The following MAD1L1 variants were observed in gnomAD, a reference collection of about 807,000 sequenced individuals.
The protein encoded by MAD1L1 is mitotic spindle assembly checkpoint protein MAD1.
In MAD1L1, 95 loss-of-function variants were observed where a neutral mutation model predicts 96.9. That is an observed-to-expected ratio of 0.98 (90% CI 0.83 to 1.16). The LOEUF (loss-of-function observed/expected upper bound fraction) is 1.16, where lower values mean the gene tolerates loss of function less well. Among genes scored for constraint, MAD1L1 ranks in the 50% most tolerant of loss-of-function variants. The pLI is 0.00. For synonymous variants in MAD1L1, 473 were observed against 396.6 expected (o/e 1.19, Z -2.29); for missense variants, 1,007 against 954.4 (o/e 1.06, Z -0.73).
chr7:1,975,817 C>T lies in MAD1L1; in HGVS notation c.1505+4636G>A, dbSNP rs373057831. ...CGTCTCCAGGGCCCCCAGCACCTCC[C>T]GGGACCCAGAAGACATCACACGGCC... On this transcript the variant is annotated intron_variant, in intron 15 of 18. Transcript: ENST00000265854. 2.0e-4 allele frequency among the ~76,000 whole-genome samples: 31 copies of T among 152,184 alleles called. 1 individual carries two copies. In the East Asian group the frequency reaches 4.3e-3, roughly 21 times the overall value.
At chr7:1,975,247 G>A (rs1780581558) in intron 15 of MAD1L1, among the ~76,000 whole-genome samples, 1 of 152,258 alleles carries the variant, frequency 6.6e-6, no homozygotes, top group Admixed American at 6.5e-5. Flanking sequence ...GATGGGCTGG[G>A]CAGTCCATCA....
At chr7:1,936,927 A>G in intron 16 of MAD1L1, 30 bp from the exon 17 acceptor site, 1 of 1,539,332 alleles carries the variant, frequency 6.5e-7, no homozygotes. Flanking sequence ...ACAGGTCACC[A>G]TGGCCCAGGC....
At chr7:2,143,658 C>G (rs552873302) in intron 11 of MAD1L1, among the ~76,000 whole-genome samples, 3 of 152,036 alleles carry the variant, frequency 2.0e-5, no homozygotes, top group Admixed American at 6.6e-5. Flanking sequence ...ATGAAACAGG[C>G]CAGGCCCAGG....
chr7:1,980,110 G>A (rs138149025), intron 15 of MAD1L1, among the ~76,000 whole-genome samples: 83 of 152,326 alleles, frequency 5.4e-4, no homozygotes, highest in Non-Finnish European at 8.5e-4. Context: ...ACGGCCTGGA[G>A]AGGGGGACAG....
At chr7:1,915,796 C>T (rs749159858) in intron 17 of MAD1L1, among the ~76,000 whole-genome samples, 21 of 152,206 alleles carry the variant, frequency 1.4e-4, no homozygotes, top group Non-Finnish European at 2.8e-4. Flanking sequence ...CCTCACGCCA[C>T]GAACAGAACC....
rs1273002359 is a variant in MAD1L1 at position 2,044,087 on chromosome 7, GAGCTGGC to G, written c.1218+25100_1218+25106del. Among the ~76,000 whole-genome samples, 6 of 152,230 alleles carry G rather than the reference GAGCTGGC, an allele frequency of 3.9e-5. No homozygotes were observed. The East Asian group carries it at 1.2e-3, about 29-fold the overall frequency. The stretch of plus-strand genomic sequence containing the variant: ...GCAGCATGGGAGGACGAGCTGCCTA[GAGCTGGC>G]GGCCACAATGCGCCGCAGGAAGGGG... On this transcript the variant is annotated intron_variant, in intron 12 of 18. Transcript: ENST00000265854.
intron 12 of MAD1L1, among the ~76,000 whole-genome samples, chr7:2,067,865 G>GAA (rs148649480): frequency 0.034 from 5,122 of 152,368 alleles, 185 homozygotes; most frequent in Admixed American, 0.094. Context: ...GAGGTGCGTG[G>GAA]CAGGTGCTGG....
At position 2,114,913 on chromosome 7, in the gene MAD1L1, G is replaced by C. The variant is rs1787584113; in HGVS notation, c.1073+34239C>G. ...GCTTTGCAAACACAAGGGCCTCGAA[G>C]CCCCGCCTTCCGGTGAGCACCGCTG... On this transcript the variant is annotated intron_variant, in intron 11 of 18. Coordinates refer to ENST00000265854, the MANE Select transcript of MAD1L1 (RefSeq NM_001013836.2). This position sits in a 1 kb window ranked among gnomAD's most constrained non-coding sequence, Gnocchi z 4.2. Among the ~76,000 whole-genome samples, 1 of 152,194 alleles carries C rather than the reference G, an allele frequency of 6.6e-6. No homozygotes were observed. The highest frequency in any genetic ancestry group is 2.4e-5 in the African/African-American group (1 of 41,438).
At chr7:2,147,339 C>T (rs1439003322) in intron 11 of MAD1L1, among the ~76,000 whole-genome samples, 1 of 152,220 alleles carries the variant, frequency 6.6e-6, no homozygotes, top group African/African-American at 2.4e-5. Flanking sequence ...CTCAGGGAAG[C>T]GTCTCCAGCG....
intron 11 of MAD1L1, among the ~76,000 whole-genome samples, chr7:2,070,478 T>G (rs898721007): frequency 1.3e-5 from 2 of 150,924 alleles, no homozygotes; most frequent in African/African-American, 2.4e-5. Flanking sequence ...GACTCCACAG[T>G]GAGGTACGAG....
At chr7:1,843,775 G>A (rs1447573158) in intron 18 of MAD1L1, among the ~76,000 whole-genome samples, 1 of 152,120 alleles carries the variant, frequency 6.6e-6, no homozygotes, top group Non-Finnish European at 1.5e-5. Context: ...GAAGCCCCAC[G>A]GCAGGCCACG....
chr7:2,097,965 G>A (rs368348329), intron 11 of MAD1L1, among the ~76,000 whole-genome samples: 6 of 152,360 alleles, frequency 3.9e-5, no homozygotes, highest in African/African-American at 1.2e-4. Flanking sequence ...GGGAGGGCAC[G>A]CTCAGCAGCG....
intron 18 of MAD1L1, among the ~76,000 whole-genome samples, chr7:1,855,328 C>G (rs1302504641): frequency 1.3e-5 from 2 of 152,026 alleles, no homozygotes; most frequent in African/African-American, 4.8e-5. Flanking sequence ...CTCTCGTTTT[C>G]TCCAGCAGCG....
intron 18 of MAD1L1, among the ~76,000 whole-genome samples, chr7:1,874,714 A>G (rs60238952): frequency 0.36 from 54,089 of 151,794 alleles, 11,578 homozygotes; most frequent in African/African-American, 0.6. Context: ...TGTGTGGCTC[A>G]GCAGGACCCA....
At chr7:1,874,531 C>T (rs1480831108) in intron 18 of MAD1L1, 5 of 455,414 alleles carry the variant, frequency 1.1e-5, no homozygotes, top group Admixed American at 2.4e-5. Flanking sequence ...CAGCTTGTGG[C>T]TGAGTGCGGC....
chr7:2,153,387 CA>C (rs1444850994), intron 10 of MAD1L1, among the ~76,000 whole-genome samples: 1 of 152,068 alleles, frequency 6.6e-6, no homozygotes, highest in South Asian at 2.1e-4. Flanking sequence ...GCAAAGGACA[CA>C]AAGAGACATT....
chr7:2,036,300 G>A (rs1349482051), intron 12 of MAD1L1, among the ~76,000 whole-genome samples: 2 of 145,742 alleles, frequency 1.4e-5, no homozygotes, highest in African/African-American at 5.2e-5. Flanking sequence ...AGGCATGAGC[G>A]CGGGAGCACT....
chr7:1,827,309 C>T (rs542610778), intron 18 of MAD1L1, among the ~76,000 whole-genome samples: 5 of 152,318 alleles, frequency 3.3e-5, no homozygotes, highest in Non-Finnish European at 5.9e-5. Flanking sequence ...GGGGACGCAG[C>T]GGGCAGGGAG....
At chr7:2,193,440 A>C (rs1477920522) in intron 10 of MAD1L1, 1 of 152,506 alleles carries the variant, frequency 6.6e-6, no homozygotes, top group Non-Finnish European at 1.5e-5. Flanking sequence ...GCTGAGTTTC[A>C]GCACAGGGAC....
Sources: gnomAD v4.1 joint callset for allele counts (sites outside exome capture counted in the v4.1 genomes callset) on GRCh38, gnomAD v4.1.1 for gene constraint, Gnocchi (gnomAD v3.1) non-coding constraint, MANE v1.5 for transcripts, NCBI Gene and HGNC (gene_info 2026-07-23, HGNC 2026-07-21) for gene names.